CDC14A: variants seen among roughly 807,000 people sequenced by gnomAD.
CDC14A encodes the protein dual specificity protein phosphatase CDC14A.
A neutral mutation model predicts 74.4 loss-of-function variants in CDC14A; 53 were observed. That is an observed-to-expected ratio of 0.71 (90% CI 0.57 to 0.89). CDC14A has a LOEUF of 0.89. Ranked by LOEUF, CDC14A falls within the 40% of genes least tolerant of loss-of-function variation. The pLI is 0.00. For synonymous variants in CDC14A, 247 were observed against 258.4 expected (o/e 0.96, Z 0.43); for missense variants, 646 against 713.7 (o/e 0.91, Z 1.08).
intron 2 of CDC14A, among the ~76,000 whole-genome samples, chr1:100,355,566 G>T (rs1651762694): frequency 6.6e-6 from 1 of 152,174 alleles, no homozygotes; most frequent in Non-Finnish European, 1.5e-5. Flanking sequence ...TATAAGGAAA[G>T]ACTTGCTGGA....
intron 2 of CDC14A, among the ~76,000 whole-genome samples, chr1:100,359,316 G>A (rs1288331916): frequency 6.6e-6 from 1 of 152,194 alleles, no homozygotes; most frequent in Non-Finnish European, 1.5e-5. Flanking sequence ...GGTCCAGAGA[G>A]GGAAGTATAT....
At chr1:100,473,607 T>G (rs1000441321) in intron 10 of CDC14A, among the ~76,000 whole-genome samples, 4 of 152,066 alleles carry the variant, frequency 2.6e-5, no homozygotes, top group Non-Finnish European at 5.9e-5. Context: ...AGGCTGGTCT[T>G]GAACTCCTGA....
At chr1:100,498,839 T>A in intron 14 of CDC14A, 90 bp from the exon 15 acceptor site, 1 of 1,474,708 alleles carries the variant, frequency 6.8e-7, no homozygotes, top group Non-Finnish European at 9.0e-7. Flanking sequence ...GTTCCCCTAA[T>A]GTCATGAGTA....
chr1:100,395,547 C>A (rs1658353419), intron 4 of CDC14A, among the ~76,000 whole-genome samples: 1 of 152,182 alleles, frequency 6.6e-6, no homozygotes, highest in Non-Finnish European at 1.5e-5. Flanking sequence ...ATCACCTAGC[C>A]CAAGCCACTG....
intron 14 of CDC14A, among the ~76,000 whole-genome samples, 161 bp downstream of exon 14, chr1:100,498,368 G>A (rs1441920544): frequency 1.3e-5 from 2 of 152,188 alleles, no homozygotes; most frequent in Non-Finnish European, 2.9e-5. Flanking sequence ...CCTGTCTTGG[G>A]AAGGCAGGAG....
chr1:100,487,102 A>G (rs1670095398), intron 11 of CDC14A, among the ~76,000 whole-genome samples: 1 of 152,210 alleles, frequency 6.6e-6, no homozygotes, highest in Non-Finnish European at 1.5e-5. Context: ...CTTAGTTTGT[A>G]TATATAGAAA....
At position 100,496,091 on chromosome 1, in the gene CDC14A, A is replaced by G. The variant is rs752385751; in HGVS notation, c.1298+42A>G. 1.2e-5 allele frequency: 18 copies of G among 1,530,532 alleles called. No individual in the cohort carries two copies. In the African/African-American group the frequency reaches 2.3e-4, roughly 20 times the overall value. The allele number at this position is 1,530,532 out of a possible 1,614,324, so 94.8% of individuals were successfully genotyped here. A position where few individuals can be genotyped will look rare whatever the true frequency, so the allele number is the denominator to read the frequency against. ...TGAATGTCTAGTAGCTTGTAAATAT[A>G]TGCTTCCTTTTAGCCATGTTTCCCA... On this transcript the variant is annotated intron_variant, in intron 13 of 15. Coordinates refer to ENST00000336454, the MANE Select transcript of CDC14A (RefSeq NM_003672.4).
rs536549434 is a variant in CDC14A, at chr1:100,443,404, G to A, written c.519+408G>A. 2.6e-5 allele frequency among the ~76,000 whole-genome samples: 4 copies of A among 151,858 alleles called. No individual in the cohort carries two copies. The East Asian group carries it at 7.7e-4, about 29-fold the overall frequency. On this transcript the variant is annotated intron_variant, in intron 7 of 15. Transcript: ENST00000336454. ...GGCTGAAATGCAGTGGCACAATCTC[G>A]GATCACTGCAACCTCTGCCTCCCCA...
intron 15 of CDC14A, among the ~76,000 whole-genome samples, chr1:100,501,305 T>G (rs1212045844): frequency 6.6e-6 from 1 of 152,254 alleles, no homozygotes; most frequent in Non-Finnish European, 1.5e-5. Context: ...TGCAGATCTT[T>G]CCATTTTCAG....
At chr1:100,374,051 G>A (rs577857052) in intron 2 of CDC14A, among the ~76,000 whole-genome samples, 11 of 152,102 alleles carry the variant, frequency 7.2e-5, no homozygotes, top group Admixed American at 1.3e-4. Context: ...GAGAATATGC[G>A]GTGTTTGGTT....
rs1053830162 is a variant in CDC14A at position 100,508,554 on chromosome 1, C to T, written c.1755+9292C>T. 1.3e-5 allele frequency among the ~76,000 whole-genome samples: 2 copies of T among 152,076 alleles called. No homozygotes were observed. The stretch of plus-strand genomic sequence containing the variant: ...TGCTGGCCTTCTTGTTGGCTCTGCC[C>T]GATCATCTAGGCCTTTCAGTCTAGA... On this transcript the variant is annotated intron_variant, in intron 15 of 15. Transcript: ENST00000336454. This position sits in a 1 kb window ranked among gnomAD's most constrained non-coding sequence, Gnocchi z 4.4.
intron 4 of CDC14A, among the ~76,000 whole-genome samples, chr1:100,416,488 A>G (rs1332753454): frequency 6.6e-6 from 1 of 152,194 alleles, no homozygotes; most frequent in Non-Finnish European, 1.5e-5. Flanking sequence ...AGGCTGTTTA[A>G]AGAGGCAGAA....
At chr1:100,503,373 C>A (rs1271576329) in intron 15 of CDC14A, among the ~76,000 whole-genome samples, 1 of 152,114 alleles carries the variant, frequency 6.6e-6, no homozygotes, top group Non-Finnish European at 1.5e-5. Flanking sequence ...CCTCCCAGAA[C>A]CTTTAAGAAA....
chr1:100,353,835 G>A lies in CDC14A; in HGVS notation c.123G>A (p.Glu41=), dbSNP rs200654880. The change falls in exon 2 of 16, where the codon GAG becomes GAA. Residue 41 remains glutamate, a synonymous_variant. Coordinates refer to ENST00000336454, the MANE Select transcript of CDC14A (RefSeq NM_003672.4). The part of the protein sequence containing the change: ...TVNTHYFSID[E]ELVYENFYAD... ...ATACCCACTATTTCTCCATCGATGAGGAGCTGGTCTATGAAAAGTAAGTTT... is the reference window on the plus strand; with the variant it reads ...ATACCCACTATTTCTCCATCGATGAAGAGCTGGTCTATGAAAAGTAAGTTT... 1 of 1,604,530 alleles carries A rather than the reference G, an allele frequency of 6.2e-7. No homozygotes were observed. The highest frequency in any genetic ancestry group is 8.5e-7 in the Non-Finnish European group (1 of 1,173,340).
At chr1:100,441,387 A>C (rs990047717) in intron 6 of CDC14A, among the ~76,000 whole-genome samples, 1 of 152,152 alleles carries the variant, frequency 6.6e-6, no homozygotes, top group South Asian at 2.1e-4. Flanking sequence ...ATTCTGGGCT[A>C]TTTTTGTGTG....
At chr1:100,388,086 G>A (rs1414297087) in intron 3 of CDC14A, among the ~76,000 whole-genome samples, 1 of 152,156 alleles carries the variant, frequency 6.6e-6, no homozygotes, top group Non-Finnish European at 1.5e-5. Context: ...TTCCCCACAG[G>A]TATTTTAGGG....
chr1:100,467,430 C>T (rs1667950225), intron 9 of CDC14A, among the ~76,000 whole-genome samples: 1 of 15,800 alleles, frequency 6.3e-5, no homozygotes, highest in African/African-American at 8.3e-5. Context: ...CGCATATGCA[C>T]ACAATTTTTT....
At chr1:100,350,505 T>C (rs1016197678), upstream of CDC14A, among the ~76,000 whole-genome samples, 14 of 152,266 alleles carry the variant, frequency 9.2e-5, no homozygotes, top group Non-Finnish European at 2.1e-4. Context: ...ATTTGTTAGG[T>C]CATAATTCAT....
intron 11 of CDC14A, among the ~76,000 whole-genome samples, chr1:100,494,147 C>A (rs1289194997): frequency 1.3e-5 from 2 of 152,186 alleles, no homozygotes; most frequent in Non-Finnish European, 2.9e-5. Context: ...TTCCTAACTT[C>A]CATGAGTATG....
Sources: gnomAD v4.1 joint callset for allele counts (sites outside exome capture counted in the v4.1 genomes callset) on GRCh38, gnomAD v4.1.1 for gene constraint, Gnocchi (gnomAD v3.1) non-coding constraint, MANE v1.5 for transcripts, NCBI Gene and HGNC (gene_info 2026-07-23, HGNC 2026-07-21) for gene names.